ANO3: variants seen among roughly 807,000 people sequenced by gnomAD.
The protein encoded by ANO3 is anoctamin-3.
Under a neutral mutation model 144.8 loss-of-function variants are expected in ANO3, and 99 were observed. The ratio of observed to expected loss-of-function variants is 0.68; its 90% CI spans 0.58 to 0.81. The LOEUF is 0.81. ANO3 is among the 30% of genes least tolerant of loss of function. ANO3 has a pLI of 0.00. For synonymous variants in ANO3, 414 were observed against 392.6 expected (o/e 1.05, Z -0.64); for missense variants, 905 against 1,202.2 (o/e 0.75, Z 3.66).
intron 1 of ANO3, among the ~76,000 whole-genome samples, chr11:26,338,580 T>A (rs1176660109): frequency 6.6e-6 from 1 of 152,196 alleles, no homozygotes; most frequent in African/African-American, 2.4e-5. Context: ...GTTCTTTCGC[T>A]TTTTATAATA....
chr11:26,578,446 T>G (rs976818624), intron 14 of ANO3, among the ~76,000 whole-genome samples: 4 of 152,158 alleles, frequency 2.6e-5, no homozygotes, highest in African/African-American at 9.7e-5. Context: ...GTCCCAGGTT[T>G]CAATTAGAGT....
At chr11:26,229,638 C>CT (rs1163538469) in intron 1 of ANO3, among the ~76,000 whole-genome samples, 2 of 152,178 alleles carry the variant, frequency 1.3e-5, no homozygotes, top group Admixed American at 6.5e-5. Context: ...CAACTCTTGC[C>CT]TTTTTTTCTT....
chr11:26,372,863 A>G (rs563064263), intron 1 of ANO3, among the ~76,000 whole-genome samples: 1 of 152,186 alleles, frequency 6.6e-6, no homozygotes, highest in Non-Finnish European at 1.5e-5. Flanking sequence ...TTGAACATTT[A>G]TATTCATATT....
intron 1 of ANO3, among the ~76,000 whole-genome samples, chr11:26,288,384 G>A (rs7114653): frequency 0.065 from 9,890 of 152,164 alleles, 1,041 homozygotes; most frequent in African/African-American, 0.22. Flanking sequence ...AGTAACAGTG[G>A]GATTTTCCTT....
At chr11:26,590,995 C>T (rs1590599427) in intron 14 of ANO3, among the ~76,000 whole-genome samples, 1 of 152,144 alleles carries the variant, frequency 6.6e-6, no homozygotes, top group Non-Finnish European at 1.5e-5. Flanking sequence ...TATTGTCCCT[C>T]CCCCACGCTC....
At chr11:26,529,773 C>G (rs1849318166) in intron 7 of ANO3, among the ~76,000 whole-genome samples, 1 of 151,870 alleles carries the variant, frequency 6.6e-6, no homozygotes, top group Non-Finnish European at 1.5e-5. Context: ...GAGTCCATCT[C>G]TGGAGTCAAT....
chr11:26,332,143 C>T lies in ANO3; in HGVS notation c.-133C>T. The T allele has an allele frequency of 1.3e-6, 2 of 1,543,104 alleles. No homozygotes were observed. Among genetic ancestry groups the T allele is most frequent in the South Asian group, 2.5e-5 (2 of 81,380 alleles). ...GGCGCGTAGCCTGGAGAGCGAAGTG[C>T]CGGCTACAGCAGGTGTCGGATTGCA... On this transcript the variant is annotated 5_prime_UTR_variant, in exon 1 of 27. Coordinates refer to ENST00000256737, the MANE Select transcript of ANO3 (RefSeq NM_031418.4).
intron 12 of ANO3, among the ~76,000 whole-genome samples, chr11:26,552,437 A>G (rs556461372): frequency 8.5e-5 from 13 of 152,144 alleles, no homozygotes; most frequent in Non-Finnish European, 1.9e-4. Context: ...TCCTTTCAAC[A>G]TTTCTAGAGA....
intron 11 of ANO3, among the ~76,000 whole-genome samples, chr11:26,544,269 T>TACACACAC (rs1400464024): frequency 3.9e-5 from 3 of 76,940 alleles, no homozygotes; most frequent in Non-Finnish European, 5.3e-5. Flanking sequence ...TATATATATA[T>TACACACAC]ATATACACAC....
Position 26,321,113 on chromosome 11 carries a change from CTTTTA to C in ANO3, c.-3+11399_-3+11403del, listed in dbSNP as rs1158619151. On this transcript the variant is annotated intron_variant, in intron 1 of 26. Coordinates refer to the ANO3 transcript ENST00000525139. Reference sequence around the variant, plus strand: ...CTGTTTTCTCATTTATTACATATTACTTTTATTTTCTTTGTTCTCATAATCAAATA... The same window carrying C: ...CTGTTTTCTCATTTATTACATATTACTTTTCTTTGTTCTCATAATCAAATA... Among the ~76,000 whole-genome samples, 27 of 152,148 alleles carry C rather than the reference CTTTTA, an allele frequency of 1.8e-4. No individual in the cohort carries two copies. The East Asian group carries it at 5.0e-3, about 28-fold the overall frequency.
At chr11:26,453,550 C>T (rs1403197729) in intron 3 of ANO3, among the ~76,000 whole-genome samples, 4 of 151,988 alleles carry the variant, frequency 2.6e-5, no homozygotes, top group Non-Finnish European at 4.4e-5. Context: ...TATATATGCA[C>T]CCAATACAGG....
At chr11:26,500,171 G>A (rs2134122438) in intron 4 of ANO3, among the ~76,000 whole-genome samples, 1 of 152,078 alleles carries the variant, frequency 6.6e-6, no homozygotes, top group South Asian at 2.1e-4. Context: ...TATTTTATTG[G>A]ATAGATATAT....
chr11:26,559,587 T>A (rs146108409), intron 13 of ANO3, 132 bp from the exon 14 acceptor site: 4 of 652,192 alleles, frequency 6.1e-6, no homozygotes, highest in African/African-American at 5.5e-5. Context: ...GGAATTCATA[T>A]ATAATATTTC....
intron 17 of ANO3, among the ~76,000 whole-genome samples, chr11:26,600,909 C>G (rs542571512): frequency 4.3e-4 from 65 of 152,120 alleles, no homozygotes; most frequent in African/African-American, 1.6e-3. Flanking sequence ...ATCGCATGCA[C>G]TTAATGACTT....
intron 1 of ANO3, among the ~76,000 whole-genome samples, chr11:26,209,174 C>A (rs1451571056): frequency 6.6e-6 from 1 of 152,080 alleles, no homozygotes; most frequent in Non-Finnish European, 1.5e-5. Flanking sequence ...GGCCCCAGTG[C>A]ATAATATTCC....
intron 1 of ANO3, among the ~76,000 whole-genome samples, chr11:26,319,309 T>C (rs1459849748): frequency 6.6e-6 from 1 of 152,108 alleles, no homozygotes; most frequent in Non-Finnish European, 1.5e-5. Flanking sequence ...TTTTCCCTTT[T>C]TTGACTCCCC....
At chr11:26,247,849 C>T (rs937530390) in intron 1 of ANO3, among the ~76,000 whole-genome samples, 3 of 150,982 alleles carry the variant, frequency 2.0e-5, no homozygotes, top group African/African-American at 7.3e-5. Flanking sequence ...CTTGCCTCAG[C>T]CTCCCGAGTA....
chr11:26,394,141 A>AACTGCTTTCATAGTCT, intron 1 of ANO3, among the ~76,000 whole-genome samples: 1 of 152,140 alleles, frequency 6.6e-6, no homozygotes, highest in Non-Finnish European at 1.5e-5. Flanking sequence ...TATTTTCCCA[A>AACTGCTTTCATAGTCT]ACTGCTTTCA....
At chr11:26,363,971 A>G (rs1855996048) in intron 1 of ANO3, among the ~76,000 whole-genome samples, 1 of 152,246 alleles carries the variant, frequency 6.6e-6, no homozygotes, top group Admixed American at 6.5e-5. Context: ...AGCCATGACC[A>G]GGACAGTCCT....
Sources: gnomAD v4.1 joint callset for allele counts (sites outside exome capture counted in the v4.1 genomes callset) on GRCh38, gnomAD v4.1.1 for gene constraint, MANE v1.5 for transcripts, NCBI Gene and HGNC (gene_info 2026-07-23, HGNC 2026-07-21) for gene names.